The following ITIH5 variants were observed in gnomAD, a reference collection of about 807,000 sequenced individuals.
ITIH5 encodes the protein inter-alpha-trypsin inhibitor heavy chain 5.
A neutral mutation model predicts 77.5 loss-of-function variants in ITIH5; 65 were observed. The observed-to-expected ratio is 0.84, with a 90% CI of 0.69 to 1.03. The LOEUF is 1.03. Ranked by LOEUF, ITIH5 falls within the 50% of genes least tolerant of loss-of-function variation. The probability of loss-of-function intolerance (pLI) is 0.00; values close to 1 mark genes in which losing one functional copy is unlikely to be tolerated. For synonymous variants in ITIH5, 525 were observed against 494.3 expected, an observed-to-expected ratio of 1.06 and a Z score of -0.82; for missense variants, 1,208 against 1,213.1, an observed-to-expected ratio of 1.00 and a Z score of 0.06.
At chr10:7,663,514 C>T (rs1564286036) in intron 1 of ITIH5, among the ~76,000 whole-genome samples, 1 of 152,152 alleles carries the variant, frequency 6.6e-6, no homozygotes, top group Non-Finnish European at 1.5e-5. Context: ...GTTTGTGGTG[C>T]CTGTCAGATT....
At chr10:7,642,351 A>G (rs1328158613) in intron 2 of ITIH5, among the ~76,000 whole-genome samples, 1 of 152,206 alleles carries the variant, frequency 6.6e-6, no homozygotes, top group Non-Finnish European at 1.5e-5. Flanking sequence ...AAGTGAACAC[A>G]GTGAAGACGT....
chr10:7,616,772 G>A (rs537808669), intron 6 of ITIH5, among the ~76,000 whole-genome samples: 4 of 152,258 alleles, frequency 2.6e-5, no homozygotes, highest in Admixed American at 2.0e-4. Flanking sequence ...AGGTTGCAGT[G>A]AGCCGAGATC....
intron 7 of ITIH5, among the ~76,000 whole-genome samples, chr10:7,593,259 G>A (rs932499721): frequency 6.6e-6 from 1 of 152,086 alleles, no homozygotes; most frequent in South Asian, 2.1e-4. Context: ...GGCACCTCCC[G>A]GTGGCTCCAT....
intron 7 of ITIH5, among the ~76,000 whole-genome samples, chr10:7,604,643 A>G (rs1833085757): frequency 6.6e-6 from 1 of 152,130 alleles, no homozygotes; most frequent in South Asian, 2.1e-4. Context: ...GCCTTCTTTC[A>G]TGCCTCGTGG....
chr10:7,648,313 A>T (rs1834039315), intron 2 of ITIH5, among the ~76,000 whole-genome samples: 1 of 152,096 alleles, frequency 6.6e-6, no homozygotes, highest in African/African-American at 2.4e-5. Flanking sequence ...ATTGTTTGAT[A>T]ACCAATAAAA....
intron 7 of ITIH5, among the ~76,000 whole-genome samples, chr10:7,587,757 C>T (rs995213909): frequency 5.3e-5 from 8 of 152,168 alleles, no homozygotes; most frequent in East Asian, 1.9e-4. Context: ...TTAAGAGAAA[C>T]GGTGAAGTCG....
intron 7 of ITIH5, chr10:7,600,495 C>G: frequency 4.4e-6 from 2 of 456,304 alleles, no homozygotes; most frequent in Non-Finnish European, 8.8e-6. Context: ...CAGAAATGAG[C>G]CCGGTCTCTC....
chr10:7,603,031 C>T (rs570005350), intron 7 of ITIH5, among the ~76,000 whole-genome samples: 1 of 152,270 alleles, frequency 6.6e-6, no homozygotes, highest in East Asian at 1.9e-4. Context: ...AGCTGCATGG[C>T]TCCTTCCATC....
At position 7,604,915 on chromosome 10, in the gene ITIH5, G is replaced by A. The variant is rs372190882; in HGVS notation, c.939+11067C>T. 5.3e-5 allele frequency among the ~76,000 whole-genome samples: 8 copies of A among 152,084 alleles called. No homozygotes were observed. In the East Asian group the frequency reaches 9.7e-4, roughly 18 times the overall value. ...TGGCTCACTGCAACCTCTGCCTCCC[G>A]GGTTCAAGCGATTCTCCTGCCTCAG... On this transcript the variant is annotated intron_variant, in intron 7 of 13. Transcript: ENST00000397146.
intron 2 of ITIH5, among the ~76,000 whole-genome samples, chr10:7,644,577 C>CATATATATGAT (rs1335256395): frequency 1.5e-4 from 9 of 58,348 alleles, no homozygotes; most frequent in African/African-American, 6.2e-4. Context: ...ATATATATCA[C>CATATATATGAT]ATATATCACA....
intron 12 of ITIH5, chr10:7,569,463 C>A: frequency 2.4e-6 from 1 of 425,404 alleles, no homozygotes; most frequent in Non-Finnish European, 4.1e-6. Context: ...AAGGCATGTG[C>A]CCAAGGTCAC....
At chr10:7,602,731 C>T (rs1261247387) in intron 7 of ITIH5, among the ~76,000 whole-genome samples, 2 of 152,182 alleles carry the variant, frequency 1.3e-5, no homozygotes, top group Non-Finnish European at 2.9e-5. Flanking sequence ...ATATTTCTCT[C>T]TCAAATCAGC....
chr10:7,658,059 T>A (rs577741781), intron 1 of ITIH5, among the ~76,000 whole-genome samples: 7 of 152,350 alleles, frequency 4.6e-5, no homozygotes, highest in African/African-American at 1.7e-4. Flanking sequence ...CATGACACAA[T>A]TTTAAGTGAT....
rs112757694 is a variant in ITIH5, at chr10:7,624,784, TAA to T, written c.653-7504_653-7503del. On this transcript the variant is annotated intron_variant, in intron 5 of 13. Transcript: ENST00000397146. ...CTGGGCGATAGAGTGAGACTCTGCC[TAA>T]AAAAAAAAAAAAATATATATATATA... is the stretch of plus-strand genomic sequence containing the variant. 8.6e-3 allele frequency among the ~76,000 whole-genome samples: 274 copies of T among 31,856 alleles called. 13 individuals are homozygous for T. Among genetic ancestry groups the T allele is most frequent in the Middle Eastern group, 0.083 (4 of 48 alleles). The allele number at this position is 31,856 out of a possible 152,430, so 20.9% of individuals were successfully genotyped here.
chr10:7,634,640 C>A (rs1455877623), intron 5 of ITIH5, among the ~76,000 whole-genome samples: 1 of 152,138 alleles, frequency 6.6e-6, no homozygotes, highest in Non-Finnish European at 1.5e-5. Context: ...ATACTCCCTC[C>A]AAACAAAACA....
intron 8 of ITIH5, among the ~76,000 whole-genome samples, chr10:7,585,300 A>C (rs1832649422): frequency 6.6e-6 from 1 of 151,996 alleles, no homozygotes; most frequent in South Asian, 2.1e-4. Context: ...CTGATTCTCC[A>C]CTCTTCTCAG....
chr10:7,643,917 C>T (rs1218449938), intron 2 of ITIH5, among the ~76,000 whole-genome samples: 1 of 152,166 alleles, frequency 6.6e-6, no homozygotes, highest in East Asian at 1.9e-4. Flanking sequence ...GAGACATTTT[C>T]TATGATGTAT....
intron 5 of ITIH5, chr10:7,619,712 C>A (rs373447598): frequency 2.0e-5 from 4 of 199,060 alleles, no homozygotes; most frequent in East Asian, 1.4e-4. Context: ...ACCATGAGAT[C>A]TCGTGAGAAC....
At chr10:7,600,441 C>T in intron 7 of ITIH5, 1 of 438,982 alleles carries the variant, frequency 2.3e-6, no homozygotes, top group South Asian at 1.6e-5. Flanking sequence ...GCACTAGGTC[C>T]CTTCAGCCCA....
Sources: allele counts gnomAD v4.1 joint callset (sites outside exome capture counted in the v4.1 genomes callset), GRCh38; gene constraint gnomAD v4.1.1; transcripts MANE v1.5; gene names NCBI Gene and HGNC (gene_info 2026-07-23, HGNC 2026-07-21).